The following EYS variants were observed in gnomAD, a reference collection of about 807,000 sequenced individuals.
EYS encodes EGF-like photoreceptor maintenance factor.
In EYS, 250 loss-of-function variants were observed where a neutral mutation model predicts 282.1. The ratio of observed to expected loss-of-function variants is 0.89; its 90% CI spans 0.80 to 0.98. EYS has a LOEUF of 0.98. Among genes scored for constraint, EYS ranks in the 50% least tolerant of loss-of-function variants. EYS has a pLI of 0.00. For missense variants in EYS, 4,016 were observed against 3,709.0 expected (o/e 1.08, Z -2.15); for synonymous variants, 1,355 against 1,282.9 (o/e 1.06, Z -1.20).
intron 36 of EYS, among the ~76,000 whole-genome samples, chr6:63,829,641 G>A (rs910753810): frequency 6.6e-6 from 1 of 152,176 alleles, no homozygotes; most frequent in Non-Finnish European, 1.5e-5. Flanking sequence ...TGGGGGCAGG[G>A]CATAGCTGAA....
At chr6:64,439,758 G>A (rs1254297592) in intron 26 of EYS, among the ~76,000 whole-genome samples, 2 of 151,744 alleles carry the variant, frequency 1.3e-5, no homozygotes, top group Non-Finnish European at 3.0e-5. Context: ...AGATTATTGA[G>A]AGGCATAGAA....
chr6:64,408,661 T>C (rs1333958694), intron 28 of EYS, among the ~76,000 whole-genome samples: 1 of 152,214 alleles, frequency 6.6e-6, no homozygotes, highest in Non-Finnish European at 1.5e-5. Flanking sequence ...TTCATTCTCC[T>C]GTGAGAAGAG....
At chr6:65,666,035 T>C (rs1486239376) in intron 1 of EYS, among the ~76,000 whole-genome samples, 1 of 151,990 alleles carries the variant, frequency 6.6e-6, no homozygotes, top group Non-Finnish European at 1.5e-5. Flanking sequence ...TCTCCAGGCA[T>C]ACGTATTGAT....
At chr6:63,997,540 G>A (rs1767890111) in intron 34 of EYS, among the ~76,000 whole-genome samples, 1 of 152,166 alleles carries the variant, frequency 6.6e-6, no homozygotes. Context: ...AACAGCCACC[G>A]AGGCTTTAGA....
intron 14 of EYS, among the ~76,000 whole-genome samples, chr6:64,951,689 T>C (rs1165784646): frequency 6.6e-6 from 1 of 151,824 alleles, no homozygotes; most frequent in Non-Finnish European, 1.5e-5. Context: ...TTGAAAATTA[T>C]AACCTGAAAT....
chr6:64,846,655 C>A (rs1014172264), intron 19 of EYS, among the ~76,000 whole-genome samples: 1 of 151,958 alleles, frequency 6.6e-6, no homozygotes, highest in African/African-American at 2.4e-5. Flanking sequence ...ATTCTCAAAG[C>A]AATTGTTAAT....
chr6:64,396,372 T>C (rs1422252047), intron 28 of EYS, among the ~76,000 whole-genome samples: 1 of 151,976 alleles, frequency 6.6e-6, no homozygotes. Flanking sequence ...CTCTACTGAT[T>C]ATATATTTTG....
At chr6:65,456,134 C>A (rs752007598) in intron 5 of EYS, among the ~76,000 whole-genome samples, 17 of 151,920 alleles carry the variant, frequency 1.1e-4, no homozygotes, top group Non-Finnish European at 2.2e-4. Context: ...CAGCAATATC[C>A]TAAAAAATTC....
chr6:64,407,137 T>C (rs960726814), intron 28 of EYS, among the ~76,000 whole-genome samples: 1 of 152,212 alleles, frequency 6.6e-6, no homozygotes, highest in Non-Finnish European at 1.5e-5. Flanking sequence ...GATGAGTTCA[T>C]GTCCTTTGCA....
intron 16 of EYS, among the ~76,000 whole-genome samples, chr6:64,904,725 A>G (rs1475211): frequency 0.72 from 108,897 of 152,012 alleles, 39,998 homozygotes; most frequent in African/African-American, 0.89. Context: ...ATAAAGAAGC[A>G]CCAGTGAGCC....
At chr6:65,501,459 T>C (rs955092416) in intron 2 of EYS, among the ~76,000 whole-genome samples, 9 of 152,034 alleles carry the variant, frequency 5.9e-5, no homozygotes, top group African/African-American at 2.2e-4. Flanking sequence ...AAGGAAAAAC[T>C]ACATTTAAGA....
chr6:64,043,997 C>T lies in EYS; in HGVS notation c.6725+22341G>A, dbSNP rs558955098. ...GGAACTTTTCATGAAAACCTTCCTT[C>T]CCCTGCAACTCCTGGACCTGGGGAG... On this transcript the variant is annotated intron_variant, in intron 33 of 42. Coordinates refer to ENST00000503581, the MANE Select transcript of EYS (RefSeq NM_001142800.2). Among the ~76,000 whole-genome samples the T allele has an allele frequency of 2.6e-5, 4 of 152,310 alleles. No individual in the cohort carries two copies. In the South Asian group the frequency reaches 8.3e-4, roughly 32 times the overall value.
At chr6:64,531,393 GT>G (rs5876905) in intron 26 of EYS, among the ~76,000 whole-genome samples, 82,522 of 119,062 alleles carry the variant, frequency 0.69, 24,965 homozygotes, top group African/African-American at 0.79. Flanking sequence ...TTTGTTTTTT[GT>G]TTTTTTTTTT....
intron 32 of EYS, among the ~76,000 whole-genome samples, chr6:64,081,023 T>C (rs911062059): frequency 6.6e-5 from 10 of 151,912 alleles, no homozygotes; most frequent in African/African-American, 2.2e-4. Context: ...TGGCTTAGGA[T>C]TGACTTGACA....
intron 12 of EYS, among the ~76,000 whole-genome samples, chr6:65,254,918 C>G (rs1164243388): frequency 3.3e-5 from 5 of 151,742 alleles, no homozygotes; most frequent in Non-Finnish European, 7.4e-5. Context: ...TTTAAATAAA[C>G]CATGCTCATA....
At chr6:63,914,824 T>C (rs1488723300) in intron 35 of EYS, among the ~76,000 whole-genome samples, 2 of 152,100 alleles carry the variant, frequency 1.3e-5, no homozygotes, top group Admixed American at 1.3e-4. Context: ...CAAAAGCTAA[T>C]CCAGAGCAGG....
chr6:64,813,827 G>T (rs1764670657), intron 21 of EYS, among the ~76,000 whole-genome samples: 2 of 151,860 alleles, frequency 1.3e-5, no homozygotes, highest in Admixed American at 1.3e-4. Flanking sequence ...TTTATAAAAA[G>T]ATGTATCATG....
chr6:64,719,657 T>C (rs1397468071), intron 22 of EYS, among the ~76,000 whole-genome samples: 1 of 152,090 alleles, frequency 6.6e-6, no homozygotes, highest in Non-Finnish European at 1.5e-5. Flanking sequence ...TATTTGTATA[T>C]ACTTCGGGAG....
intron 2 of EYS, among the ~76,000 whole-genome samples, chr6:65,536,718 A>G (rs942966899): frequency 2.6e-5 from 4 of 152,176 alleles, no homozygotes; most frequent in African/African-American, 9.7e-5. Context: ...ATAAGACCTC[A>G]ACAAAGAAAA....
Sources: allele counts gnomAD v4.1 joint callset (sites outside exome capture counted in the v4.1 genomes callset), GRCh38; gene constraint gnomAD v4.1.1; transcripts MANE v1.5; gene names NCBI Gene and HGNC (gene_info 2026-07-23, HGNC 2026-07-21).